GRM7: variants seen among roughly 807,000 people sequenced by gnomAD.
The protein encoded by GRM7 is glutamate metabotropic receptor 7.
In GRM7, 35 loss-of-function variants were observed where a neutral mutation model predicts 84.5. That is an observed-to-expected ratio of 0.41 (90% CI 0.32 to 0.55). The LOEUF (loss-of-function observed/expected upper bound fraction) is 0.55, where lower values mean the gene tolerates loss of function less well. GRM7 is among the 20% of genes least tolerant of loss of function. The pLI, the probability that GRM7 is intolerant of heterozygous loss-of-function variation, is 0.19. For missense variants in GRM7, 1,003 were observed against 1,194.6 expected (o/e 0.84, Z 2.36); for synonymous variants, 487 against 455.1 (o/e 1.07, Z -0.89).
At chr3:7,532,075 AT>A (rs1309181180) in intron 7 of GRM7, among the ~76,000 whole-genome samples, 1 of 152,004 alleles carries the variant, frequency 6.6e-6, no homozygotes, top group Non-Finnish European at 1.5e-5. Flanking sequence ...TTGGCCTGAA[AT>A]TTTCTTTTTT....
chr3:7,681,310 T>G (rs1415141300), intron 9 of GRM7: 1 of 152,200 alleles, frequency 6.6e-6, no homozygotes, highest in African/African-American at 2.4e-5. Context: ...TGTCAAATGC[T>G]TAATGCCAAA....
At chr3:7,414,425 TC>T (rs138186449) in intron 4 of GRM7, among the ~76,000 whole-genome samples, 1,575 of 152,222 alleles carry the variant, frequency 0.01, 29 homozygotes, top group African/African-American at 0.036. Flanking sequence ...GGACACTGAA[TC>T]CCGTATCTTT....
At chr3:7,464,061 G>A (rs925856243) in intron 7 of GRM7, among the ~76,000 whole-genome samples, 2 of 152,162 alleles carry the variant, frequency 1.3e-5, no homozygotes, top group African/African-American at 4.8e-5. Context: ...AGAGCCATCT[G>A]GAGGGCTTGT....
At chr3:7,601,301 G>A (rs2125070706) in intron 8 of GRM7, among the ~76,000 whole-genome samples, 1 of 152,168 alleles carries the variant, frequency 6.6e-6, no homozygotes, top group African/African-American at 2.4e-5. Flanking sequence ...TTCTAAGAAG[G>A]GGTGCACAGC....
At chr3:6,976,233 G>A (rs1007747778) in intron 1 of GRM7, among the ~76,000 whole-genome samples, 3 of 152,120 alleles carry the variant, frequency 2.0e-5, no homozygotes, top group Admixed American at 6.5e-5. Flanking sequence ...ATTATGATAC[G>A]TAAATGTTTA....
intron 1 of GRM7, among the ~76,000 whole-genome samples, chr3:7,022,080 C>T (rs555952956): frequency 6.6e-6 from 1 of 152,222 alleles, no homozygotes; most frequent in African/African-American, 2.4e-5. Context: ...ATAATCCCAG[C>T]ACTTTGGGAG....
intron 1 of GRM7, among the ~76,000 whole-genome samples, chr3:6,979,435 G>A (rs1428726909): frequency 6.6e-6 from 1 of 152,142 alleles, no homozygotes; most frequent in Admixed American, 6.5e-5. Context: ...CATGTGCTTT[G>A]CAGACATTTT....
At chr3:7,297,979 T>G (rs1699869205) in intron 2 of GRM7, among the ~76,000 whole-genome samples, 2 of 152,202 alleles carry the variant, frequency 1.3e-5, no homozygotes, top group African/African-American at 4.8e-5. Flanking sequence ...AATATTATAC[T>G]GGCTCTGACA....
intron 4 of GRM7, among the ~76,000 whole-genome samples, chr3:7,399,436 G>A (rs1462446245): frequency 6.6e-6 from 1 of 152,098 alleles, no homozygotes; most frequent in Admixed American, 6.6e-5. Context: ...TGGAGCCAAA[G>A]ATCTGAATGA....
intron 2 of GRM7, among the ~76,000 whole-genome samples, chr3:7,256,936 G>A (rs142388674): frequency 2.6e-5 from 4 of 152,274 alleles, no homozygotes; most frequent in Non-Finnish European, 4.4e-5. Context: ...GCCAGGTCTC[G>A]AAAGATTACT....
intron 1 of GRM7, among the ~76,000 whole-genome samples, chr3:7,056,525 A>G (rs1177191042): frequency 1.3e-5 from 2 of 151,966 alleles, no homozygotes; most frequent in Admixed American, 1.3e-4. Context: ...ACAAAACATT[A>G]TATATCATCT....
At chr3:7,251,634 T>A (rs1697991512) in intron 2 of GRM7, among the ~76,000 whole-genome samples, 1 of 152,176 alleles carries the variant, frequency 6.6e-6, no homozygotes, top group African/African-American at 2.4e-5. Context: ...CATAGACCAC[T>A]GACTATATGG....
intron 8 of GRM7, among the ~76,000 whole-genome samples, chr3:7,581,904 T>C (rs1442473629): frequency 6.6e-6 from 1 of 152,150 alleles, no homozygotes; most frequent in African/African-American, 2.4e-5. Context: ...TTGTTTTTGC[T>C]TTTGTTAAGG....
chr3:7,072,554 G>A (rs1207559073), intron 1 of GRM7, among the ~76,000 whole-genome samples: 1 of 151,934 alleles, frequency 6.6e-6, no homozygotes, highest in Admixed American at 6.6e-5. Context: ...GGGTGTGGTG[G>A]TGCATACCTG....
At chr3:7,097,045 G>A (rs540592947) in intron 1 of GRM7, among the ~76,000 whole-genome samples, 28 of 152,200 alleles carry the variant, frequency 1.8e-4, no homozygotes, top group Admixed American at 5.9e-4. Context: ...AAACAGTTGA[G>A]GATACAATCC....
intron 7 of GRM7, among the ~76,000 whole-genome samples, chr3:7,471,280 A>G (rs895221184): frequency 5.9e-5 from 9 of 151,948 alleles, no homozygotes; most frequent in Admixed American, 1.3e-4. Context: ...TCTTTAGGTT[A>G]GAAGTCCAAC....
intron 2 of GRM7, among the ~76,000 whole-genome samples, chr3:7,289,614 T>A (rs531361439): frequency 6.6e-6 from 1 of 152,186 alleles, no homozygotes; most frequent in South Asian, 2.1e-4. Flanking sequence ...AACCCAAATG[T>A]CCATCAATGA....
intron 1 of GRM7, among the ~76,000 whole-genome samples, chr3:6,950,687 G>C (rs891048075): frequency 6.6e-6 from 1 of 152,208 alleles, no homozygotes; most frequent in Non-Finnish European, 1.5e-5. Flanking sequence ...GCCTCCTTGA[G>C]CTGTGGTGGG....
Position 7,308,828 on chromosome 3 carries a change from C to A in GRM7, c.1033+2176C>A, listed in dbSNP as rs557116496. ...AATGCACATATTCCATGGCCATTAACCCCTGATGCCTGATATTTTAGGGAA... is the reference window on the plus strand; with the variant it reads ...AATGCACATATTCCATGGCCATTAAACCCTGATGCCTGATATTTTAGGGAA... On this transcript the variant is annotated intron_variant, in intron 4 of 9. Transcript: ENST00000357716. Among the ~76,000 whole-genome samples the A allele has an allele frequency of 2.0e-5, 3 of 152,182 alleles. No homozygotes were observed. The South Asian group carries it at 6.2e-4, about 32-fold the overall frequency.
Sources: gnomAD v4.1 joint callset for allele counts (sites outside exome capture counted in the v4.1 genomes callset) on GRCh38, gnomAD v4.1.1 for gene constraint, MANE v1.5 for transcripts, NCBI Gene and HGNC (gene_info 2026-07-23, HGNC 2026-07-21) for gene names.